Variants in SLC16A12 observed in about 807,000 individuals in gnomAD.
The protein encoded by SLC16A12 is monocarboxylate transporter 12.
SLC16A12 carries 17 observed loss-of-function variants against 42.4 expected under a neutral mutation model. That is an observed-to-expected ratio of 0.40 (90% CI 0.27 to 0.60). The LOEUF (loss-of-function observed/expected upper bound fraction) is 0.60. Ranked by LOEUF, SLC16A12 falls within the 20% of genes least tolerant of loss-of-function variation. SLC16A12 has a pLI of 0.42. For synonymous variants in SLC16A12, 224 were observed against 229.4 expected (o/e 0.98, Z 0.21); for missense variants, 544 against 623.0 (o/e 0.87, Z 1.35).
upstream of SLC16A12, among the ~76,000 whole-genome samples, chr10:89,535,741 C>G (rs1843647724): frequency 6.6e-6 from 1 of 152,052 alleles, no homozygotes. Context: ...CGGGGCGCAC[C>G]CGCCGAGCCG....
chr10:89,445,588 C>T (rs1001490138), intron 3 of SLC16A12, among the ~76,000 whole-genome samples: 8 of 152,158 alleles, frequency 5.3e-5, no homozygotes, highest in Admixed American at 3.3e-4. Flanking sequence ...CACACCGAAA[C>T]CCCATCTGTA....
intron 3 of SLC16A12, among the ~76,000 whole-genome samples, chr10:89,454,643 C>G (rs536082809): frequency 1.3e-5 from 2 of 151,706 alleles, no homozygotes; most frequent in Admixed American, 6.6e-5. Context: ...TATCTTTGAG[C>G]CTTCACTTTT....
At chr10:89,554,713 A>G (rs529183476) in intron 2 of SLC16A12, among the ~76,000 whole-genome samples, 31 of 152,224 alleles carry the variant, frequency 2.0e-4, no homozygotes, top group African/African-American at 7.2e-4. Context: ...GAAAGAAGAA[A>G]ACTGTAGCCT....
At chr10:89,544,250 T>G (rs1334882375) in intron 2 of SLC16A12, among the ~76,000 whole-genome samples, 2 of 152,196 alleles carry the variant, frequency 1.3e-5, no homozygotes, top group African/African-American at 4.8e-5. Context: ...GTCTAAGGCT[T>G]CTTCTGAGAA....
intron 5 of SLC16A12, 49 bp from the exon 6 acceptor site, chr10:89,439,232 A>AT: frequency 6.6e-7 from 1 of 1,524,508 alleles, no homozygotes; most frequent in Non-Finnish European, 9.1e-7. Context: ...TAAACAGCCA[A>AT]TGATATCTCA....
chr10:89,468,473 A>G (rs1434601959), intron 2 of SLC16A12, among the ~76,000 whole-genome samples: 1 of 152,244 alleles, frequency 6.6e-6, no homozygotes, highest in African/African-American at 2.4e-5. Flanking sequence ...GCACTTGTCC[A>G]TCTGCTCTGA....
chr10:89,533,422 C>A (rs889043939), intron 2 of SLC16A12, among the ~76,000 whole-genome samples: 14 of 152,142 alleles, frequency 9.2e-5, no homozygotes, highest in African/African-American at 3.1e-4. Context: ...CAATAAATAT[C>A]TGCTCAATTG....
At chr10:89,555,240 T>C (rs1843802394) in intron 2 of SLC16A12, among the ~76,000 whole-genome samples, 1 of 151,722 alleles carries the variant, frequency 6.6e-6, no homozygotes, top group Non-Finnish European at 1.5e-5. Flanking sequence ...ATTCTTGGGC[T>C]CAAGCAATCC....
intron 3 of SLC16A12, among the ~76,000 whole-genome samples, chr10:89,452,535 T>C (rs936799754): frequency 2.0e-5 from 3 of 152,202 alleles, no homozygotes; most frequent in Non-Finnish European, 4.4e-5. Context: ...GAAGAAGCTT[T>C]CTATTTTAGT....
intron 2 of SLC16A12, among the ~76,000 whole-genome samples, chr10:89,467,410 A>C (rs550153844): frequency 6.6e-6 from 1 of 152,354 alleles, no homozygotes; most frequent in East Asian, 1.9e-4. Context: ...CACTATAGGC[A>C]AAAAATAATA....
chr10:89,475,127 A>C (rs1279060048), intron 2 of SLC16A12, among the ~76,000 whole-genome samples: 1 of 152,184 alleles, frequency 6.6e-6, no homozygotes, highest in East Asian at 1.9e-4. Context: ...CCCTCTTAAC[A>C]AGAATTAAAT....
intron 3 of SLC16A12, among the ~76,000 whole-genome samples, chr10:89,446,040 G>A (rs1841995029): frequency 6.6e-6 from 1 of 152,106 alleles, no homozygotes; most frequent in Admixed American, 6.5e-5. Context: ...AATGAAATGA[G>A]AAGAGAAGTT....
intron 3 of SLC16A12, among the ~76,000 whole-genome samples, chr10:89,452,048 C>T (rs1842103617): frequency 6.6e-6 from 1 of 152,144 alleles, no homozygotes; most frequent in Non-Finnish European, 1.5e-5. Flanking sequence ...TCACAAAGGA[C>T]CAAGGATTTC....
intron 2 of SLC16A12, among the ~76,000 whole-genome samples, chr10:89,480,268 T>C (rs1842643989): frequency 6.6e-6 from 1 of 152,192 alleles, no homozygotes; most frequent in Non-Finnish European, 1.5e-5. Flanking sequence ...GTCAGACATA[T>C]CTGGCTTGGA....
At chr10:89,506,244 T>A (rs143126709) in intron 2 of SLC16A12, among the ~76,000 whole-genome samples, 5,861 of 152,254 alleles carry the variant, frequency 0.038, 381 homozygotes, top group African/African-American at 0.13. Flanking sequence ...GACTGCCTCC[T>A]CAACTGGGTC....
At chr10:89,546,423 A>T (rs1205850728) in intron 2 of SLC16A12, among the ~76,000 whole-genome samples, 1 of 152,250 alleles carries the variant, frequency 6.6e-6, no homozygotes, top group African/African-American at 2.4e-5. Context: ...GCCAATAAAC[A>T]TATGAAAAAA....
chr10:89,510,410 G>A (rs1843145033), intron 2 of SLC16A12, among the ~76,000 whole-genome samples: 1 of 152,168 alleles, frequency 6.6e-6, no homozygotes, highest in South Asian at 2.1e-4. Context: ...GAACGGAACA[G>A]AGGCCTCAGA....
chr10:89,521,159 T>C (rs1843346518), intron 2 of SLC16A12, among the ~76,000 whole-genome samples: 1 of 152,196 alleles, frequency 6.6e-6, no homozygotes, highest in South Asian at 2.1e-4. Context: ...CAAGGCTCCT[T>C]CCCCTTAGTA....
chr10:89,454,075 G>A (rs979972579), intron 3 of SLC16A12, among the ~76,000 whole-genome samples: 2 of 151,722 alleles, frequency 1.3e-5, no homozygotes, highest in African/African-American at 4.8e-5. Context: ...AGTGCAGTGT[G>A]TGTGCAGTGG....
Sources: allele counts gnomAD v4.1 joint callset (sites outside exome capture counted in the v4.1 genomes callset), GRCh38; gene constraint gnomAD v4.1.1; transcripts MANE v1.5; gene names NCBI Gene and HGNC (gene_info 2026-07-23, HGNC 2026-07-21).